The following AK5 variants were observed in gnomAD, a reference collection of about 807,000 sequenced individuals.
AK5 encodes adenylate kinase isoenzyme 5.
AK5 carries 27 observed loss-of-function variants against 69.5 expected under a neutral mutation model. The ratio of observed to expected loss-of-function variants is 0.39; its 90% CI spans 0.29 to 0.54. AK5 has a LOEUF of 0.54. AK5 is among the 20% of genes least tolerant of loss of function. The pLI is 0.71. For synonymous variants in AK5, 260 were observed against 244.4 expected (o/e 1.06, Z -0.60); for missense variants, 531 against 700.4 (o/e 0.76, Z 2.73).
intron 6 of AK5, among the ~76,000 whole-genome samples, chr1:77,389,614 T>C (rs1288436041): frequency 4.6e-5 from 7 of 152,178 alleles, no homozygotes; most frequent in Non-Finnish European, 1.0e-4. Context: ...ATTTGGGAGG[T>C]TAAATAATTG....
chr1:77,522,012 C>A, intron 12 of AK5, 69 bp downstream of exon 12: 1 of 1,207,704 alleles, frequency 8.3e-7, no homozygotes, highest in Non-Finnish European at 1.2e-6. Context: ...GGTGATAATT[C>A]AAAGTCTATT....
chr1:77,366,029 C>A (rs1043579219), intron 6 of AK5, among the ~76,000 whole-genome samples: 1 of 152,204 alleles, frequency 6.6e-6, no homozygotes, highest in East Asian at 1.9e-4. Flanking sequence ...CCAAACACCA[C>A]CTGTTCCCCG....
intron 8 of AK5, among the ~76,000 whole-genome samples, chr1:77,482,992 T>TAAAAAAA (rs56718956): frequency 2.3e-5 from 1 of 43,864 alleles, no homozygotes; most frequent in African/African-American, 9.3e-5. Flanking sequence ...TTTTGCACTT[T>TAAAAAAA]AAAAAAAAAA....
chr1:77,495,893 A>G (rs1444534532), intron 10 of AK5, among the ~76,000 whole-genome samples: 3 of 152,250 alleles, frequency 2.0e-5, no homozygotes, highest in African/African-American at 2.4e-5. Flanking sequence ...TCTCTCTGCT[A>G]TAGTACATTC....
intron 6 of AK5, among the ~76,000 whole-genome samples, chr1:77,391,495 G>GTATATATATATATATATA (rs753916010): frequency 7.9e-5 from 5 of 63,378 alleles, no homozygotes; most frequent in African/African-American, 1.1e-4. Flanking sequence ...GTGTGTGTGT[G>GTATATATATATATATATA]TATATATATA....
intron 2 of AK5, among the ~76,000 whole-genome samples, chr1:77,292,210 T>G (rs767218391): frequency 2.0e-5 from 3 of 152,196 alleles, no homozygotes; most frequent in Non-Finnish European, 4.4e-5. Context: ...GTTTTGAATT[T>G]TGTCTAATGT....
At position 77,489,504 on chromosome 1, in the gene AK5, A is replaced by G. The variant is rs377457268; in HGVS notation, c.1147+3152A>G. The stretch of plus-strand genomic sequence containing the variant: ...TTTGGGACTGCTTTATTGTAAGTCA[A>G]TTTAACCTTATGAAAATATTCCAGA... On this transcript the variant is annotated intron_variant, in intron 10 of 13. Coordinates refer to ENST00000354567, the MANE Select transcript of AK5 (RefSeq NM_174858.3). Among the ~76,000 whole-genome samples, 3 of 152,214 alleles carry G rather than the reference A, an allele frequency of 2.0e-5. No individual in the cohort carries two copies. The South Asian group carries it at 6.2e-4, about 32-fold the overall frequency.
At chr1:77,286,879 A>T in intron 1 of AK5, 62 bp from the exon 2 acceptor site, 1 of 1,060,178 alleles carries the variant, frequency 9.4e-7, no homozygotes, top group Non-Finnish European at 1.2e-6. Flanking sequence ...AAATTAAATT[A>T]AAGAAAAAAC....
At chr1:77,537,672 T>C (rs1473379247) in intron 13 of AK5, among the ~76,000 whole-genome samples, 1 of 152,224 alleles carries the variant, frequency 6.6e-6, no homozygotes, top group East Asian at 1.9e-4. Flanking sequence ...AACTTGTCTC[T>C]GAGGAAGCTA....
chr1:77,358,224 A>G (rs911174974), intron 6 of AK5, among the ~76,000 whole-genome samples: 29 of 152,148 alleles, frequency 1.9e-4, no homozygotes, highest in South Asian at 1.0e-3. Flanking sequence ...GATGGTTGAA[A>G]TCATATTGTA....
At chr1:77,358,584 C>G (rs1484065935) in intron 6 of AK5, among the ~76,000 whole-genome samples, 2 of 152,098 alleles carry the variant, frequency 1.3e-5, no homozygotes, top group South Asian at 2.1e-4. Context: ...AAAGCCAAAA[C>G]ATGAAAACAT....
intron 10 of AK5, among the ~76,000 whole-genome samples, chr1:77,497,255 A>G (rs935156577): frequency 6.6e-6 from 1 of 152,154 alleles, no homozygotes; most frequent in African/African-American, 2.4e-5. Flanking sequence ...CCCCGAGACC[A>G]TGAACCCACC....
chr1:77,287,273 T>A, intron 2 of AK5, 146 bp downstream of exon 2: 2 of 509,378 alleles, frequency 3.9e-6, no homozygotes, highest in Non-Finnish European at 6.3e-6. Context: ...TCTCTGCTAC[T>A]AATTCTAATC....
At chr1:77,415,467 C>T (rs1002435727) in intron 7 of AK5, among the ~76,000 whole-genome samples, 9 of 152,186 alleles carry the variant, frequency 5.9e-5, no homozygotes, top group African/African-American at 1.9e-4. Flanking sequence ...ATAGCTATCA[C>T]CACTTCCACC....
chr1:77,506,048 C>G (rs1250302241), intron 10 of AK5, among the ~76,000 whole-genome samples: 2 of 152,024 alleles, frequency 1.3e-5, no homozygotes, highest in East Asian at 3.9e-4. Context: ...GCAGGGCACT[C>G]TAGAACAATG....
chr1:77,522,722 C>T (rs1195339604), intron 12 of AK5, among the ~76,000 whole-genome samples: 1 of 152,104 alleles, frequency 6.6e-6, no homozygotes, highest in Non-Finnish European at 1.5e-5. Flanking sequence ...AGATCCTGTG[C>T]CCACACTTTA....
intron 7 of AK5, among the ~76,000 whole-genome samples, chr1:77,413,548 G>A (rs1215519135): frequency 1.3e-5 from 2 of 152,120 alleles, no homozygotes; most frequent in Non-Finnish European, 2.9e-5. Flanking sequence ...CACACTTCTA[G>A]CAAAGCCATC....
chr1:77,287,528 T>A (rs1473736113), intron 2 of AK5, among the ~76,000 whole-genome samples: 1 of 152,270 alleles, frequency 6.6e-6, no homozygotes, highest in African/African-American at 2.4e-5. Context: ...TTTGGCTTAC[T>A]AATATTTCCA....
At chr1:77,419,024 T>C (rs955795021) in intron 8 of AK5, among the ~76,000 whole-genome samples, 5 of 148,220 alleles carry the variant, frequency 3.4e-5, no homozygotes, top group Non-Finnish European at 5.9e-5. Context: ...CTCTAGGAAG[T>C]AAGAATTATT....
Sources: gnomAD v4.1 joint callset for allele counts (sites outside exome capture counted in the v4.1 genomes callset) on GRCh38, gnomAD v4.1.1 for gene constraint, MANE v1.5 for transcripts, NCBI Gene and HGNC (gene_info 2026-07-23, HGNC 2026-07-21) for gene names.